Variants in PCNX4 observed in about 807,000 individuals in gnomAD.
PCNX4 encodes the protein pecanex-like protein 4.
Under a neutral mutation model 107.2 loss-of-function variants are expected in PCNX4, and 103 were observed. The ratio of observed to expected loss-of-function variants is 0.96; its 90% CI spans 0.82 to 1.13. The LOEUF (loss-of-function observed/expected upper bound fraction) is 1.13. PCNX4 is among the 50% of genes most tolerant of loss of function. The probability of loss-of-function intolerance (pLI) is 0.00; values close to 1 mark genes in which losing one functional copy is unlikely to be tolerated. For synonymous variants in PCNX4, 541 were observed against 481.7 expected (o/e 1.12, Z -1.61); for missense variants, 1,528 against 1,379.4 (o/e 1.11, Z -1.71).
chr14:60,093,956 C>T (rs1007948551), intron 1 of PCNX4, among the ~76,000 whole-genome samples: 3 of 152,124 alleles, frequency 2.0e-5, no homozygotes, highest in Non-Finnish European at 2.9e-5. Context: ...TGTTGAGTAT[C>T]ATTTTATATT....
intron 8 of PCNX4, 45 bp from the exon 9 acceptor site, chr14:60,124,173 G>A (rs1212956756): frequency 2.8e-6 from 4 of 1,415,280 alleles, no homozygotes; most frequent in East Asian, 5.0e-5. Flanking sequence ...TGTATATTAT[G>A]TAATAAATGA....
chr14:60,147,074 A>T lies in PCNX4; in HGVS notation c.*12853A>T, dbSNP rs996154649. Reference sequence around the variant, plus strand: ...GTGGCAAAAACCCGTCTCTACAAAAACTACAAAACCTAGCCAGGCATGGTG... The same window carrying T: ...GTGGCAAAAACCCGTCTCTACAAAATCTACAAAACCTAGCCAGGCATGGTG... On this transcript the variant is annotated 3_prime_UTR_variant, in exon 11 of 11. Coordinates refer to ENST00000406854, the MANE Select transcript of PCNX4 (RefSeq NM_001330177.2). 1 of 152,126 alleles carries T rather than the reference A, an allele frequency of 6.6e-6. No individual in the cohort carries two copies. Among genetic ancestry groups the T allele is most frequent in the East Asian group, 1.9e-4 (1 of 5,182 alleles). 9.4% of individuals were successfully genotyped at this position (152,126 alleles called of 1,614,324 possible). A position where few individuals can be genotyped will look rare whatever the true frequency, so the allele number is the denominator to read the frequency against.
rs219293 is a variant in PCNX4 at position 60,092,354 on chromosome 14, A to G, written c.-119A>G. 113,371 of 152,236 alleles carry G rather than the reference A, an allele frequency of 0.74. 44,415 individuals carry two copies. The highest frequency in any genetic ancestry group is 0.87 in the Non-Finnish European group (59,070 of 68,024). The allele number at this position is 152,236 out of a possible 1,614,324, so 9.4% of individuals were successfully genotyped here. A position where few individuals can be genotyped will look rare whatever the true frequency, so the allele number is the denominator to read the frequency against. ...CCTCCCGGCGGGAGCGCCCAGCCCG[A>G]GTTTACCTGCAAAAATGCGGTCCCT... On this transcript the variant is annotated 5_prime_UTR_variant, in exon 1 of 11. Coordinates refer to ENST00000406854, the MANE Select transcript of PCNX4 (RefSeq NM_001330177.2).
rs200434027 is a variant in PCNX4 at position 60,104,318 on chromosome 14, C to CAAAA, written c.-53-3242_-53-3239dup. On this transcript the variant is annotated intron_variant, in intron 1 of 10. Transcript: ENST00000406854. ...TGGGTGACAGAGCAAGACTCCATCT[C>CAAAA]AAAAAAAAAAAAAAAAAAAAAAAAA... Among the ~76,000 whole-genome samples, 148 of 129,488 alleles carry CAAAA rather than the reference C, an allele frequency of 1.1e-3. 2 individuals carry two copies. The highest frequency in any genetic ancestry group is 4.8e-3 in the African/African-American group (135 of 28,350). The allele number at this position is 129,488 out of a possible 152,430, so 84.9% of individuals were successfully genotyped here.
At position 60,100,865 on chromosome 14, in the gene PCNX4, T is replaced by C. The variant is rs1371756351; in HGVS notation, c.-53-6721T>C. 2.6e-4 allele frequency among the ~76,000 whole-genome samples: 39 copies of C among 152,368 alleles called. 1 individual carries two copies. The highest frequency in any genetic ancestry group is 8.8e-5 in the Non-Finnish European group (6 of 68,032). Reference sequence around the variant, plus strand: ...CCTTGAAATTGCCCTGCAAAGTCTCTTGTGGGAAAAATCCACATTCTATAA... The same window carrying C: ...CCTTGAAATTGCCCTGCAAAGTCTCCTGTGGGAAAAATCCACATTCTATAA... On this transcript the variant is annotated intron_variant, in intron 1 of 10. Transcript: ENST00000406854.
intron 7 of PCNX4, among the ~76,000 whole-genome samples, chr14:60,119,987 T>G (rs369725504): frequency 3.3e-5 from 5 of 152,196 alleles, no homozygotes; most frequent in African/African-American, 1.2e-4. Context: ...GGCTCAGGGA[T>G]TCCAGTTTTA....
At chr14:60,115,693 A>G (rs769010378) in intron 4 of PCNX4, 26 bp from the exon 5 acceptor site, 1 of 1,584,434 alleles carries the variant, frequency 6.3e-7, no homozygotes, top group South Asian at 1.1e-5. Context: ...CCTTAATTAA[A>G]TTTCTCTCTT....
At chr14:60,097,847 A>G (rs1895454537) in intron 1 of PCNX4, among the ~76,000 whole-genome samples, 1 of 152,184 alleles carries the variant, frequency 6.6e-6, no homozygotes, top group African/African-American at 2.4e-5. Context: ...ACAACTACCC[A>G]AAAACATCTA....
In PCNX4 at chr14:60,147,636, C is replaced by T. The variant is rs921983231; in HGVS notation, c.*13415C>T. The T allele has an allele frequency of 1.3e-5, 2 of 152,134 alleles. No homozygotes were observed. Among genetic ancestry groups the T allele is most frequent in the African/African-American group, 4.8e-5 (2 of 41,434 alleles). The allele number at this position is 152,134 out of a possible 1,614,324, so 9.4% of individuals were successfully genotyped here. A position where few individuals can be genotyped will look rare whatever the true frequency, so the allele number is the denominator to read the frequency against. ...AACACTCCAAGTTGTGTTTTAAGTG[C>T]TTTTCATATATTAAATTCATGTAAT... is the stretch of plus-strand genomic sequence containing the variant. On this transcript the variant is annotated 3_prime_UTR_variant, in exon 11 of 11. Transcript: ENST00000406854.
intron 8 of PCNX4, among the ~76,000 whole-genome samples, chr14:60,122,760 A>C (rs1161976369): frequency 6.6e-6 from 1 of 152,180 alleles, no homozygotes; most frequent in African/African-American, 2.4e-5. Context: ...CCCCTGAAAC[A>C]GTGCCTGGCA....
At chr14:60,128,464 C>T (rs114514727) in intron 10 of PCNX4, among the ~76,000 whole-genome samples, 8,456 of 152,170 alleles carry the variant, frequency 0.056, 287 homozygotes, top group Middle Eastern at 0.14. Flanking sequence ...AACCCCAAAA[C>T]AGAAAGGTTA....
chr14:60,114,228 G>A (rs1895794026), intron 2 of PCNX4, among the ~76,000 whole-genome samples: 1 of 152,146 alleles, frequency 6.6e-6, no homozygotes, highest in African/African-American at 2.4e-5. Context: ...GTATGAATGT[G>A]GGTAAGGCTT....
At chr14:60,126,437 T>C (rs1896056885) in intron 10 of PCNX4, among the ~76,000 whole-genome samples, 1 of 152,082 alleles carries the variant, frequency 6.6e-6, no homozygotes, top group African/African-American at 2.4e-5. Flanking sequence ...ATGAAAATTC[T>C]TTTTTTTAAG....
intron 1 of PCNX4, among the ~76,000 whole-genome samples, chr14:60,095,881 A>G (rs1466642888): frequency 3.3e-5 from 5 of 152,190 alleles, no homozygotes; most frequent in African/African-American, 4.8e-5. Context: ...ATTTATAGCA[A>G]CAAAAGGAAA....
At chr14:60,124,166 A>G (rs1896003390) in intron 8 of PCNX4, 52 bp from the exon 9 acceptor site, 1 of 1,371,004 alleles carries the variant, frequency 7.3e-7, no homozygotes, top group Non-Finnish European at 9.8e-7. Flanking sequence ...TAGTTGCTGT[A>G]TATTATGTAA....
intron 8 of PCNX4, among the ~76,000 whole-genome samples, chr14:60,124,002 A>T (rs1379649894): frequency 1.3e-5 from 2 of 152,230 alleles, no homozygotes; most frequent in Non-Finnish European, 2.9e-5. Flanking sequence ...ATAATATTTT[A>T]AAAAATAATA....
chr14:60,144,602 C>T lies in PCNX4; in HGVS notation c.*10381C>T. ...GCTGGTGCATTGGTCTTGGAATTCCCAGCCTCAAGAGCCAGGAAAAACAGA... is the reference window on the plus strand; with the variant it reads ...GCTGGTGCATTGGTCTTGGAATTCCTAGCCTCAAGAGCCAGGAAAAACAGA... On this transcript the variant is annotated 3_prime_UTR_variant, in exon 11 of 11. Transcript: ENST00000406854. The T allele has an allele frequency of 4.7e-6, 1 of 214,722 alleles. No individual in the cohort carries two copies. The highest frequency in any genetic ancestry group is 9.2e-6 in the Non-Finnish European group (1 of 109,134). 13.3% of individuals were successfully genotyped at this position (214,722 alleles called of 1,614,324 possible).
chr14:60,116,457 G>A (rs1031780451), intron 6 of PCNX4, among the ~76,000 whole-genome samples: 9 of 152,108 alleles, frequency 5.9e-5, no homozygotes, highest in African/African-American at 1.2e-4. Context: ...CATATACAAC[G>A]GTGGTTTCAT....
chr14:60,109,702 A>G (rs1301852475), intron 2 of PCNX4: 1 of 167,310 alleles, frequency 6.0e-6, no homozygotes, highest in Non-Finnish European at 1.5e-5. Flanking sequence ...CGGCCTCCCA[A>G]AGTTCTGGGA....
Sources: allele counts gnomAD v4.1 joint callset (sites outside exome capture counted in the v4.1 genomes callset), GRCh38; gene constraint gnomAD v4.1.1; transcripts MANE v1.5; gene names NCBI Gene and HGNC (gene_info 2026-07-23, HGNC 2026-07-21).